Variants in C1RL observed in about 807,000 individuals in gnomAD.
The protein encoded by C1RL is complement C1r subcomponent like.
C1RL carries 27 observed loss-of-function variants against 27.9 expected under a neutral mutation model. The observed-to-expected ratio is 0.97, with a 90% CI of 0.71 to 1.33. The LOEUF (loss-of-function observed/expected upper bound fraction) is 1.33, where lower values mean the gene tolerates loss of function less well. Ranked by LOEUF, C1RL falls within the 40% of genes most tolerant of loss-of-function variation. The pLI is 0.00. For missense variants in C1RL, 563 were observed against 623.9 expected, an observed-to-expected ratio of 0.90 and a Z score of 1.04; for synonymous variants, 248 against 252.1, an observed-to-expected ratio of 0.98 and a Z score of 0.15.
In C1RL at chr12:7,094,938, C is replaced by A; in HGVS notation, c.*1453G>T. The A allele has an allele frequency of 9.2e-7, 1 of 1,087,048 alleles. No homozygotes were observed. Among genetic ancestry groups the A allele is most frequent in the South Asian group, 2.2e-5 (1 of 46,436 alleles). 67.3% of individuals were successfully genotyped at this position (1,087,048 alleles called of 1,614,324 possible). On this transcript the variant is annotated 3_prime_UTR_variant, in exon 6 of 6. Coordinates refer to ENST00000266542, the MANE Select transcript of C1RL (RefSeq NM_016546.4). ...TGTGGGTGTAAAAAACAGAAGTAAT[C>A]ACATGTATGTACAACTTTGAATCCT...
chr12:7,100,260 T>C (rs1209110744), intron 3 of C1RL, among the ~76,000 whole-genome samples: 4 of 152,162 alleles, frequency 2.6e-5, no homozygotes, highest in Non-Finnish European at 5.9e-5. Context: ...TTGATAGGTA[T>C]GTAAATTAGC....
In C1RL at chr12:7,099,225, C is replaced by CAAAAA. The variant is rs1180325788; in HGVS notation, c.691+456_691+460dup. Among the ~76,000 whole-genome samples, 16 of 44,390 alleles carry CAAAAA rather than the reference C, an allele frequency of 3.6e-4. 1 individual carries two copies. The highest frequency in any genetic ancestry group is 0.015 in the Middle Eastern group (1 of 66). The allele number at this position is 44,390 out of a possible 152,430, so 29.1% of individuals were successfully genotyped here. On this transcript the variant is annotated intron_variant, in intron 5 of 5. Coordinates refer to ENST00000266542, the MANE Select transcript of C1RL (RefSeq NM_016546.4). The stretch of plus-strand genomic sequence containing the variant: ...GGGCGACAAGAGAGAAACTCCATCC[C>CAAAAA]AAAAAAAAAAAAAAAAAAAAAAAAA...
rs1341543742 is a variant in C1RL, at chr12:7,096,029, C to A, written c.*362G>T. The A allele has an allele frequency of 8.7e-6, 9 of 1,034,402 alleles. No homozygotes were observed. Among genetic ancestry groups the A allele is most frequent in the Middle Eastern group, 4.5e-4 (1 of 2,208 alleles). 64.1% of individuals were successfully genotyped at this position (1,034,402 alleles called of 1,614,324 possible). ...TCTAATAGCGGGTGAGTAGCTGACT[C>A]TTCCACAGGTGAGTATAAAAGCTGT... On this transcript the variant is annotated 3_prime_UTR_variant, in exon 6 of 6. Transcript: ENST00000266542.
rs750651226 is a variant in C1RL at position 7,096,712 on chromosome 12, C to T, written c.1143G>A (p.Glu381=). The change falls in exon 6 of 6, where the codon GAG becomes GAA. Residue 381 remains glutamate (E), a synonymous_variant. Coordinates refer to ENST00000266542, the MANE Select transcript of C1RL (RefSeq NM_016546.4). ...LLGYVSGFGM[E]MGWLTTELKY... ...TCAGCTCAGTAGTTAGCCAGCCCAT[C>T]TCCATGCCAAACCCACTGACGTAGC... 2 of 1,613,914 alleles carry T rather than the reference C, an allele frequency of 1.2e-6. No individual in the cohort carries two copies. Among genetic ancestry groups the T allele is most frequent in the East Asian group, 2.2e-5 (1 of 44,876 alleles).
Position 7,096,352 on chromosome 12 carries a change from C to T in C1RL, c.*39G>A. The T allele has an allele frequency of 1.5e-6, 2 of 1,307,498 alleles. No homozygotes were observed. The highest frequency in any genetic ancestry group is 2.0e-6 in the Non-Finnish European group (2 of 995,482). 81.0% of individuals were successfully genotyped at this position (1,307,498 alleles called of 1,614,324 possible). Reference sequence around the variant, plus strand: ...CTCCAGGCCCTCTGTTGCCTGGGGCCTCCACTGTGCTGGTCAGTCCCTGTT... The same window carrying T: ...CTCCAGGCCCTCTGTTGCCTGGGGCTTCCACTGTGCTGGTCAGTCCCTGTT... On this transcript the variant is annotated 3_prime_UTR_variant, in exon 6 of 6. Coordinates refer to ENST00000266542, the MANE Select transcript of C1RL (RefSeq NM_016546.4).
At position 7,095,416 on chromosome 12, in the gene C1RL, T is replaced by A. The variant is rs1413575070; in HGVS notation, c.*975A>T. 4.0e-6 allele frequency: 4 copies of A among 998,900 alleles called. No homozygotes were observed. The highest frequency in any genetic ancestry group is 5.9e-5 in the Admixed American group (1 of 16,824). The allele number at this position is 998,900 out of a possible 1,614,324, so 61.9% of individuals were successfully genotyped here. A position where few individuals can be genotyped will look rare whatever the true frequency, so the allele number is the denominator to read the frequency against. ...GGCGTGAGCCACTGCGCCCGGCCCA[T>A]CACCTCCAGGTTTTACTAAAAATTA... On this transcript the variant is annotated 3_prime_UTR_variant, in exon 6 of 6. Transcript: ENST00000266542.
rs757164011 is a variant in C1RL at position 7,096,961 on chromosome 12, A to C, written c.894T>G (p.Ser298Arg). The C allele has an allele frequency of 6.2e-7, 1 of 1,613,470 alleles. No homozygotes were observed. Among genetic ancestry groups the C allele is most frequent in the South Asian group, 1.1e-5 (1 of 91,030 alleles). ...KDSVSLRKNQSVNVFLGHTAI... is the reference protein window; with the variant it reads ...KDSVSLRKNQRVNVFLGHTAI... ...CTGTGTGGCCCAAGAACACATTCAC[A>C]CTCTGGTTCTTCCTGAGAGAAACAC... The change falls in exon 6 of 6, where the codon AGT (serine) becomes AGG (arginine). Residue 298 changes from serine (S) to arginine (R), a missense_variant. Ser to Arg is a moderately radical substitution (Grantham distance 110). Transcript: ENST00000266542.
chr12:7,101,889 G>C lies in C1RL; in HGVS notation c.490+9C>G. 1 of 1,613,836 alleles carries C rather than the reference G, an allele frequency of 6.2e-7. No homozygotes were observed. The highest frequency in any genetic ancestry group is 8.5e-7 in the Non-Finnish European group (1 of 1,179,756). ...GCTCCCTCCCTGCACCCCCAGGAGG[G>C]ACACTCACCCACGGTTTGGTAGAGG... is the stretch of plus-strand genomic sequence containing the variant. On this transcript the variant is annotated intron_variant, in intron 3 of 5. Transcript: ENST00000266542.
chr12:7,097,108 G>A lies in C1RL; in HGVS notation c.747C>T (p.Ser249=). The part of the protein sequence containing the change: ...IAQNQTTLGS[S]RAKLGNFPWQ... ...AGGGGAAGTTGCCCAGCTTGGCTCT[G>A]GAAGAACCGAGGGTCGTCTGATTCT... The change falls in exon 6 of 6, where the codon TCC becomes TCT. Residue 249 remains serine, a synonymous_variant. Coordinates refer to ENST00000266542, the MANE Select transcript of C1RL (RefSeq NM_016546.4). The A allele has an allele frequency of 6.2e-7, 1 of 1,613,862 alleles. No individual in the cohort carries two copies. Among genetic ancestry groups the A allele is most frequent in the South Asian group, 1.1e-5 (1 of 91,074 alleles).
intron 5 of C1RL, 79 bp from the exon 6 acceptor site, chr12:7,097,242 G>T (rs1212789048): frequency 1.5e-6 from 2 of 1,334,038 alleles, no homozygotes; most frequent in East Asian, 2.4e-5. Flanking sequence ...TCTCTGAAGT[G>T]CTGTGGTAGG....
chr12:7,099,106 T>A (rs1207950561), intron 5 of C1RL, among the ~76,000 whole-genome samples: 2 of 149,764 alleles, frequency 1.3e-5, no homozygotes, highest in Non-Finnish European at 3.0e-5. Context: ...GTGCCTGTAA[T>A]CCCAGCTACT....
chr12:7,108,924 GTGC>G (rs113832615), intron 1 of C1RL, 183 bp downstream of exon 1: 4,122 of 557,482 alleles, frequency 7.4e-3, no homozygotes, highest in Admixed American at 9.1e-3. Context: ...AATATCTGCT[GTGC>G]TGCTGCTGCT....
Position 7,097,077 on chromosome 12 carries a change from C to T in C1RL, c.778G>A (p.Ala260Thr). ...CCACGGCCGTGGATACTGGTGAAGGCTTGCCAGGGGAAGTTGCCCAGCTTG... is the reference window on the plus strand; with the variant it reads ...CCACGGCCGTGGATACTGGTGAAGGTTTGCCAGGGGAAGTTGCCCAGCTTG... ...RAKLGNFPWQ[A>T]FTSIHGRGGG... Residue 260 changes from alanine to threonine, a missense_variant, in exon 6 of 6, where the codon GCC (alanine) becomes ACC (threonine). Physicochemically the swap from Ala to Thr is moderately conservative, Grantham distance 58 (BLOSUM62 0). Coordinates refer to ENST00000266542, the MANE Select transcript of C1RL (RefSeq NM_016546.4). 6 of 1,614,140 alleles carry T rather than the reference C, an allele frequency of 3.7e-6. No individual in the cohort carries two copies. The highest frequency in any genetic ancestry group is 5.1e-6 in the Non-Finnish European group (6 of 1,180,012).
In C1RL at chr12:7,095,592, C is replaced by A; in HGVS notation, c.*799G>T. 1.0e-6 allele frequency: 1 copy of A among 985,694 alleles called. No individual in the cohort carries two copies. The highest frequency in any genetic ancestry group is 1.2e-6 in the Non-Finnish European group (1 of 830,182). The allele number at this position is 985,694 out of a possible 1,614,324, so 61.1% of individuals were successfully genotyped here. ...TGTGAGCTAGAGGATACCATTTTCG[C>A]AGAAGCAGGAATTCCCAGGGAGGGA... is the stretch of plus-strand genomic sequence containing the variant. On this transcript the variant is annotated 3_prime_UTR_variant, in exon 6 of 6. Coordinates refer to ENST00000266542, the MANE Select transcript of C1RL (RefSeq NM_016546.4).
intron 2 of C1RL, 43 bp downstream of exon 2, chr12:7,108,208 C>A: frequency 1.4e-6 from 2 of 1,470,714 alleles, no homozygotes; most frequent in East Asian, 2.4e-5. Context: ...CGGGAATCTC[C>A]CTGGCCACAG....
chr12:7,099,225 C>CAAAAAAAAAAAAAAAAAAAA (rs1180325788), intron 5 of C1RL, among the ~76,000 whole-genome samples: 7 of 44,392 alleles, frequency 1.6e-4, no homozygotes, highest in African/African-American at 5.9e-4. Context: ...AACTCCATCC[C>CAAAAAAAAAAAAAAAAAAAA]AAAAAAAAAA....
chr12:7,108,808 A>T (rs1270302922), intron 1 of C1RL: 2 of 543,864 alleles, frequency 3.7e-6, no homozygotes, highest in African/African-American at 3.9e-5. Flanking sequence ...CCACCCTGGG[A>T]TCCGAGGGAG....
intron 5 of C1RL, among the ~76,000 whole-genome samples, chr12:7,097,705 G>A (rs949468926): frequency 6.6e-6 from 1 of 152,232 alleles, no homozygotes; most frequent in South Asian, 2.1e-4. Flanking sequence ...AGTGGACTGA[G>A]GGTAGGGAGC....
In C1RL at chr12:7,095,535, G is replaced by C. The variant is rs146421951; in HGVS notation, c.*856C>G. ...CTTCAGTCCAGTGCTGGGCTCACCTGGCTTCTGCAGGAGATGGGGCCATTA... is the reference window on the plus strand; with the variant it reads ...CTTCAGTCCAGTGCTGGGCTCACCTCGCTTCTGCAGGAGATGGGGCCATTA... On this transcript the variant is annotated 3_prime_UTR_variant, in exon 6 of 6. Coordinates refer to ENST00000266542, the MANE Select transcript of C1RL (RefSeq NM_016546.4). 143 of 986,072 alleles carry C rather than the reference G, an allele frequency of 1.5e-4. No individual in the cohort carries two copies. The African/African-American group carries it at 2.4e-3, about 17-fold the overall frequency. 61.1% of individuals were successfully genotyped at this position (986,072 alleles called of 1,614,324 possible). A position where few individuals can be genotyped will look rare whatever the true frequency, so the allele number is the denominator to read the frequency against.
Sources: gnomAD v4.1 joint callset for allele counts (sites outside exome capture counted in the v4.1 genomes callset) on GRCh38, gnomAD v4.1.1 for gene constraint, MANE v1.5 for transcripts, NCBI Gene and HGNC (gene_info 2026-07-23, HGNC 2026-07-21) for gene names.